The following SCAPER variants were observed in gnomAD, a reference collection of about 807,000 sequenced individuals.
The protein encoded by SCAPER is S phase cyclin A-associated protein in the endoplasmic reticulum.
Under a neutral mutation model 182.2 loss-of-function variants are expected in SCAPER, and 98 were observed. That is an observed-to-expected ratio of 0.54 (90% CI 0.46 to 0.64). The LOEUF is 0.64. Among genes scored for constraint, SCAPER ranks in the 30% least tolerant of loss-of-function variants. The pLI, the probability that SCAPER is intolerant of heterozygous loss-of-function variation, is 0.00. For missense variants in SCAPER, 1,432 were observed against 1,690.0 expected (o/e 0.85, Z 2.68); for synonymous variants, 605 against 564.6 (o/e 1.07, Z -1.01).
intron 2 of SCAPER, among the ~76,000 whole-genome samples, chr15:76,875,806 C>T (rs1050666071): frequency 6.6e-6 from 1 of 152,306 alleles, no homozygotes; most frequent in African/African-American, 2.4e-5. Context: ...AATGTCACAG[C>T]TCATAAAGGC....
chr15:76,793,131 T>C, intron 8 of SCAPER: 1 of 693,784 alleles, frequency 1.4e-6, no homozygotes, highest in Non-Finnish European at 2.3e-6. Flanking sequence ...TAAATGCATG[T>C]GGTCACTCTA....
intron 14 of SCAPER, among the ~76,000 whole-genome samples, chr15:76,763,570 G>T (rs1488402349): frequency 1.3e-5 from 2 of 151,342 alleles, no homozygotes; most frequent in Non-Finnish European, 2.9e-5. Flanking sequence ...AAGGCTTTCT[G>T]CCTGCTTCTC....
chr15:76,544,850 G>T (rs777386789), intron 23 of SCAPER, among the ~76,000 whole-genome samples: 3 of 152,144 alleles, frequency 2.0e-5, no homozygotes, highest in Non-Finnish European at 4.4e-5. Flanking sequence ...ATATATGGAA[G>T]ATCCCAATTA....
chr15:76,428,206 A>C (rs1228381590), intron 26 of SCAPER, among the ~76,000 whole-genome samples: 1 of 152,224 alleles, frequency 6.6e-6, no homozygotes, highest in Non-Finnish European at 1.5e-5. Context: ...CATCATGTAA[A>C]AAGTATGGAA....
chr15:76,353,039 G>C (rs2040694790), intron 30 of SCAPER, among the ~76,000 whole-genome samples: 1 of 152,018 alleles, frequency 6.6e-6, no homozygotes, highest in South Asian at 2.1e-4. Flanking sequence ...CATAAACTTT[G>C]AAATGTTGTC....
chr15:76,816,052 T>C (rs1391867034), intron 5 of SCAPER, among the ~76,000 whole-genome samples: 5 of 152,088 alleles, frequency 3.3e-5, no homozygotes, highest in Non-Finnish European at 7.4e-5. Flanking sequence ...GGACTGAAAG[T>C]TGCTCTGGGT....
At chr15:76,666,617 G>C (rs1272903451) in intron 20 of SCAPER, among the ~76,000 whole-genome samples, 1 of 152,054 alleles carries the variant, frequency 6.6e-6, no homozygotes, top group Non-Finnish European at 1.5e-5. Context: ...CACCTCAAGT[G>C]GCCTCTAGTA....
intron 5 of SCAPER, among the ~76,000 whole-genome samples, chr15:76,832,773 C>T (rs1458866938): frequency 6.6e-6 from 1 of 152,116 alleles, no homozygotes; most frequent in African/African-American, 2.4e-5. Flanking sequence ...TGGTCCTGTT[C>T]CTGCCATGTA....
intron 5 of SCAPER, among the ~76,000 whole-genome samples, chr15:76,809,664 G>C (rs1163515632): frequency 1.3e-5 from 2 of 152,146 alleles, no homozygotes; most frequent in Non-Finnish European, 2.9e-5. Context: ...AAAAGAAGAA[G>C]AGAAAGTGAC....
intron 24 of SCAPER, among the ~76,000 whole-genome samples, chr15:76,478,034 A>G (rs1385411612): frequency 2.6e-5 from 4 of 151,852 alleles, no homozygotes; most frequent in Non-Finnish European, 5.9e-5. Flanking sequence ...GATTCCTGTC[A>G]GACTTAGAAA....
intron 23 of SCAPER, among the ~76,000 whole-genome samples, chr15:76,541,240 T>C (rs2044729520): frequency 6.6e-6 from 1 of 151,972 alleles, no homozygotes; most frequent in Non-Finnish European, 1.5e-5. Context: ...TATATCTAAA[T>C]ATACACATAT....
intron 1 of SCAPER, among the ~76,000 whole-genome samples, chr15:76,886,840 G>A (rs2073867267): frequency 6.6e-6 from 1 of 152,190 alleles, no homozygotes; most frequent in Non-Finnish European, 1.5e-5. Flanking sequence ...ATGAGATCAT[G>A]TCCTTTGCAG....
intron 2 of SCAPER, among the ~76,000 whole-genome samples, chr15:76,866,167 C>G (rs1464152089): frequency 6.6e-6 from 1 of 152,084 alleles, no homozygotes; most frequent in Non-Finnish European, 1.5e-5. Flanking sequence ...AAATAGATGG[C>G]CTACTTTTCA....
At chr15:76,522,093 T>C (rs2042879569) in intron 23 of SCAPER, among the ~76,000 whole-genome samples, 1 of 152,194 alleles carries the variant, frequency 6.6e-6, no homozygotes, top group Non-Finnish European at 1.5e-5. Flanking sequence ...TGACAAGTGA[T>C]TTATACGTTC....
At chr15:76,745,355 G>A (rs368826721) in intron 15 of SCAPER, among the ~76,000 whole-genome samples, 10 of 152,130 alleles carry the variant, frequency 6.6e-5, no homozygotes, top group African/African-American at 1.7e-4. Context: ...AGGCTGAGGC[G>A]GGAGAATGGC....
intron 23 of SCAPER, among the ~76,000 whole-genome samples, chr15:76,536,843 T>A (rs914726507): frequency 3.9e-5 from 6 of 152,196 alleles, no homozygotes; most frequent in South Asian, 4.1e-4. Context: ...AAAATCTCCT[T>A]AAGCTGATAA....
intron 5 of SCAPER, among the ~76,000 whole-genome samples, chr15:76,835,212 T>C (rs1317833502): frequency 6.6e-6 from 1 of 151,780 alleles, no homozygotes; most frequent in Non-Finnish European, 1.5e-5. Flanking sequence ...ATAAAATGTC[T>C]AGGAATAAAT....
rs1203777368 is a variant in SCAPER at position 76,404,633 on chromosome 15, G to A, written c.3358C>T (p.Leu1120Phe). ...TCATCCACTGGGCCTTGCACCGAGA[G>A]GAAGCAGGCACACAGTTTGTCAATC... is the stretch of plus-strand genomic sequence containing the variant. Reference protein sequence around the residue: ...GLIDKLCACFLSVQGPVDENP... With the variant: ...GLIDKLCACFFSVQGPVDENP... The change falls in exon 27 of 32, where the codon CTC (leucine) becomes TTC (phenylalanine). Residue 1120 changes from leucine to phenylalanine, a missense_variant. This residue lies in a region of SCAPER where 718 missense variants were observed against 799.7 expected (regional missense o/e 0.90). Coordinates refer to ENST00000563290, the MANE Select transcript of SCAPER (RefSeq NM_020843.4). 1 of 1,613,192 alleles carries A rather than the reference G, an allele frequency of 6.2e-7. No homozygotes were observed. The highest frequency in any genetic ancestry group is 8.5e-7 in the Non-Finnish European group (1 of 1,179,716).
At chr15:76,361,837 T>A (rs2041440202) in intron 29 of SCAPER, among the ~76,000 whole-genome samples, 1 of 152,162 alleles carries the variant, frequency 6.6e-6, no homozygotes, top group African/African-American at 2.4e-5. Flanking sequence ...TACCTAATAA[T>A]AGTAATGTGC....
Sources: gnomAD v4.1 joint callset for allele counts (sites outside exome capture counted in the v4.1 genomes callset) on GRCh38, gnomAD v4.1.1 for gene constraint, gnomAD v4.1.1 regional missense constraint, MANE v1.5 for transcripts, NCBI Gene and HGNC (gene_info 2026-07-23, HGNC 2026-07-21) for gene names.